SPATS2L: variants seen among roughly 807,000 people sequenced by gnomAD.
SPATS2L encodes the protein spermatogenesis associated serine rich 2 like.
A neutral mutation model predicts 59.6 loss-of-function variants in SPATS2L; 30 were observed. The ratio of observed to expected loss-of-function variants is 0.50; its 90% confidence interval spans 0.38 to 0.68. SPATS2L has a LOEUF of 0.68. SPATS2L is among the 30% of genes least tolerant of loss of function. The pLI is 0.00. For missense variants in SPATS2L, 615 were observed against 700.0 expected, an observed-to-expected ratio of 0.88 and a Z score of 1.37; for synonymous variants, 252 against 263.5, an observed-to-expected ratio of 0.96 and a Z score of 0.42.
At chr2:200,369,502 A>G (rs947910311) in intron 2 of SPATS2L, among the ~76,000 whole-genome samples, 4 of 152,182 alleles carry the variant, frequency 2.6e-5, no homozygotes, top group Non-Finnish European at 5.9e-5. Flanking sequence ...AGAGGCCAAT[A>G]ACCAAGAACA....
At chr2:200,353,133 C>CA (rs2080797902) in intron 2 of SPATS2L, among the ~76,000 whole-genome samples, 1 of 152,104 alleles carries the variant, frequency 6.6e-6, no homozygotes, top group Admixed American at 6.5e-5. Context: ...GAAAAATTTT[C>CA]AAAAATACCT....
intron 10 of SPATS2L, 50 bp from the exon 11 acceptor site, chr2:200,469,864 T>G (rs1386187622): frequency 6.9e-7 from 1 of 1,455,994 alleles, no homozygotes; most frequent in South Asian, 1.2e-5. Flanking sequence ...GGGGGTGCCT[T>G]GGTCATTTCT....
At chr2:200,477,571 G>T in intron 12 of SPATS2L, 65 bp from the exon 13 acceptor site, 14 of 860,754 alleles carry the variant, frequency 1.6e-5, no homozygotes, top group East Asian at 5.2e-5. Flanking sequence ...TGGTTTTCCT[G>T]ATGTCTACTG....
At chr2:200,424,653 T>C (rs905092371) in intron 6 of SPATS2L, among the ~76,000 whole-genome samples, 4 of 152,176 alleles carry the variant, frequency 2.6e-5, no homozygotes, top group Non-Finnish European at 4.4e-5. Context: ...TAAGCTAAAA[T>C]GTATAGCATT....
intron 6 of SPATS2L, 73 bp downstream of exon 6, chr2:200,419,569 G>C: frequency 6.5e-7 from 1 of 1,528,714 alleles, no homozygotes; most frequent in Non-Finnish European, 8.9e-7. Context: ...CATTGGGGCT[G>C]CTGTTGATGT....
chr2:200,416,412 T>C lies in SPATS2L; in HGVS notation c.182T>C (p.Met61Thr). Residue 61 changes from methionine (M) to threonine (T), a missense_variant, in exon 5 of 13, where the codon ATG becomes ACG. Transcript: ENST00000409140. ...ATTCAAGTTCTAAAAGAATGGAATA[T>C]GACAGGAAAAAAGAAGGTAAGATTA... ...SAIQVLKEWN[M>T]TGKKKNNKRK... 6.7e-7 allele frequency: 1 copy of C among 1,492,560 alleles called. No individual in the cohort carries two copies. The highest frequency in any genetic ancestry group is 9.0e-7 in the Non-Finnish European group (1 of 1,105,560). 92.5% of individuals were successfully genotyped at this position (1,492,560 alleles called of 1,614,324 possible). A position where few individuals can be genotyped will look rare whatever the true frequency, so the allele number is the denominator to read the frequency against.
At chr2:200,452,345 C>T (rs2085518300) in intron 8 of SPATS2L, among the ~76,000 whole-genome samples, 1 of 152,116 alleles carries the variant, frequency 6.6e-6, no homozygotes, top group Non-Finnish European at 1.5e-5. Context: ...TTATGCTATT[C>T]TGTCATTTAA....
rs2080016831 is a variant in SPATS2L, at chr2:200,333,293, A to AG, written c.-23+3813_-23+3814insG. 2.0e-5 allele frequency among the ~76,000 whole-genome samples: 3 copies of AG among 151,628 alleles called. No homozygotes were observed. The South Asian group carries it at 6.3e-4, about 32-fold the overall frequency. On this transcript the variant is annotated intron_variant, in intron 2 of 12. Coordinates refer to ENST00000409140, the MANE Select transcript of SPATS2L (RefSeq NM_001100423.2). ...AGGACAAGACCCTGTCTCAAAAAAAAAGAGAGAGAGAGAAAGAAAAGACAC... is the reference window on the plus strand; with the variant it reads ...AGGACAAGACCCTGTCTCAAAAAAAAGAGAGAGAGAGAGAAAGAAAAGACAC...
chr2:200,395,669 G>A (rs2082307033), intron 3 of SPATS2L, among the ~76,000 whole-genome samples: 1 of 152,044 alleles, frequency 6.6e-6, no homozygotes, highest in Non-Finnish European at 1.5e-5. Context: ...GAATCTGGGG[G>A]AGCTTATCTG....
At chr2:200,307,180 G>A (rs987232443) in intron 1 of SPATS2L, among the ~76,000 whole-genome samples, 20 of 151,652 alleles carry the variant, frequency 1.3e-4, no homozygotes, top group African/African-American at 4.6e-4. Context: ...GGAGGCGCCG[G>A]CTGGGACGCA....
intron 2 of SPATS2L, among the ~76,000 whole-genome samples, chr2:200,355,901 C>A (rs2080898896): frequency 6.6e-6 from 1 of 152,142 alleles, no homozygotes; most frequent in Non-Finnish European, 1.5e-5. Context: ...AAGGTTGTTT[C>A]CTTATTTCCA....
chr2:200,416,538 T>A, intron 5 of SPATS2L, 110 bp downstream of exon 5: 1 of 480,080 alleles, frequency 2.1e-6, no homozygotes, highest in Non-Finnish European at 3.6e-6. Flanking sequence ...TATGTTAATA[T>A]ATACACCCAG....
intron 8 of SPATS2L, among the ~76,000 whole-genome samples, chr2:200,441,818 C>T (rs1320662006): frequency 1.3e-5 from 2 of 152,148 alleles, no homozygotes; most frequent in African/African-American, 4.8e-5. Flanking sequence ...ATCTCATTGG[C>T]CTCCCGTGAT....
intron 8 of SPATS2L, among the ~76,000 whole-genome samples, chr2:200,447,188 A>G (rs918128813): frequency 2.0e-5 from 3 of 152,236 alleles, no homozygotes; most frequent in Middle Eastern, 3.2e-3. Flanking sequence ...AGATAAATAC[A>G]GTAAGGACTT....
chr2:200,388,482 G>A (rs1257338908), intron 2 of SPATS2L, among the ~76,000 whole-genome samples: 1 of 152,080 alleles, frequency 6.6e-6, no homozygotes, highest in African/African-American at 2.4e-5. Context: ...TGAGGTGGCA[G>A]GATCGCTTGA....
chr2:200,446,212 G>A (rs1347741839), intron 8 of SPATS2L, among the ~76,000 whole-genome samples: 1 of 152,150 alleles, frequency 6.6e-6, no homozygotes, highest in East Asian at 1.9e-4. Flanking sequence ...GTGTGTGCCT[G>A]TGGTCCCAGC....
chr2:200,418,098 G>T (rs1396030195), intron 5 of SPATS2L, among the ~76,000 whole-genome samples: 5 of 152,012 alleles, frequency 3.3e-5, no homozygotes, highest in South Asian at 2.1e-4. Context: ...TTGTGATATT[G>T]GGGGGTCTAA....
intron 2 of SPATS2L, among the ~76,000 whole-genome samples, chr2:200,375,860 C>T (rs1345528513): frequency 6.6e-6 from 1 of 152,132 alleles, no homozygotes; most frequent in Non-Finnish European, 1.5e-5. Flanking sequence ...CTCCTGGACT[C>T]GAAGGATCCT....
chr2:200,333,651 G>A (rs550388223), intron 2 of SPATS2L, among the ~76,000 whole-genome samples: 11 of 150,764 alleles, frequency 7.3e-5, no homozygotes, highest in South Asian at 2.1e-4. Flanking sequence ...ATCCCTCCCC[G>A]CTCCCCCCAC....
Sources: allele counts gnomAD v4.1 joint callset (sites outside exome capture counted in the v4.1 genomes callset), GRCh38; gene constraint gnomAD v4.1.1; transcripts MANE v1.5; gene names NCBI Gene and HGNC (gene_info 2026-07-23, HGNC 2026-07-21).